Variants in RBMS1 observed in about 807,000 individuals in gnomAD.
RBMS1 encodes RNA binding motif single stranded interacting protein 1.
In RBMS1, 17 loss-of-function variants were observed where a neutral mutation model predicts 62.3. That is an observed-to-expected ratio of 0.27 (90% confidence interval 0.19 to 0.41). The LOEUF (loss-of-function observed/expected upper bound fraction) is 0.41. Ranked by LOEUF, RBMS1 falls within the 10% of genes least tolerant of loss-of-function variation. The pLI is 1.00. For synonymous variants in RBMS1, 172 were observed against 170.0 expected, an observed-to-expected ratio of 1.01 and a Z score of -0.09; for missense variants, 334 against 504.5, an observed-to-expected ratio of 0.66 and a Z score of 3.24.
intron 2 of RBMS1, among the ~76,000 whole-genome samples, chr2:160,333,899 A>G (rs769808579): frequency 3.3e-5 from 5 of 152,146 alleles, no homozygotes; most frequent in Non-Finnish European, 7.4e-5. Context: ...GAAGCCCCAT[A>G]ACATTTCAGC....
intron 2 of RBMS1, among the ~76,000 whole-genome samples, chr2:160,365,225 C>A (rs968393039): frequency 1.3e-5 from 2 of 152,174 alleles, no homozygotes; most frequent in Non-Finnish European, 2.9e-5. Flanking sequence ...AAGTTTCCAG[C>A]AAATTTTGAG....
At chr2:160,378,704 AC>A (rs2105183416) in intron 1 of RBMS1, among the ~76,000 whole-genome samples, 1 of 152,238 alleles carries the variant, frequency 6.6e-6, no homozygotes, top group African/African-American at 2.4e-5. Flanking sequence ...TGAATTAGGA[AC>A]CCTTAAAGAA....
At chr2:160,324,912 A>ATATATATATATG (rs1440602995) in intron 2 of RBMS1, among the ~76,000 whole-genome samples, 2 of 134,606 alleles carry the variant, frequency 1.5e-5, no homozygotes, top group African/African-American at 6.0e-5. Flanking sequence ...ATATATACAC[A>ATATATATATATG]CACACACACA....
At chr2:160,453,116 G>C (rs1684063334) in intron 1 of RBMS1, among the ~76,000 whole-genome samples, 1 of 150,036 alleles carries the variant, frequency 6.7e-6, no homozygotes. Flanking sequence ...TGATGATGAT[G>C]CTTATTATTA....
intron 2 of RBMS1, among the ~76,000 whole-genome samples, chr2:160,321,638 A>T (rs1024940572): frequency 3.9e-5 from 6 of 152,178 alleles, no homozygotes; most frequent in South Asian, 2.1e-4. Context: ...CTCATCTTCA[A>T]TATTATCTCA....
Position 160,282,376 on chromosome 2 carries a change from T to C in RBMS1, c.901-1012A>G, listed in dbSNP as rs377607781. 3,621 of 1,285,460 alleles carry C rather than the reference T, an allele frequency of 2.8e-3. 45 individuals carry two copies. The highest frequency in any genetic ancestry group is 2.0e-3 in the Non-Finnish European group (1,919 of 947,214). 79.6% of individuals were successfully genotyped at this position (1,285,460 alleles called of 1,614,324 possible). Reference sequence around the variant, plus strand: ...TTATCTGGACTGTAGCCTTTCCCCATTGGGGTTGGTGGTTTCTTGCAGCTG... The same window carrying C: ...TTATCTGGACTGTAGCCTTTCCCCACTGGGGTTGGTGGTTTCTTGCAGCTG... On this transcript the variant is annotated intron_variant, in intron 9 of 13. Transcript: ENST00000348849.
intron 2 of RBMS1, among the ~76,000 whole-genome samples, chr2:160,364,882 C>T (rs4577242): frequency 0.55 from 82,967 of 151,872 alleles, 23,191 homozygotes; most frequent in Admixed American, 0.65. Context: ...TTCAGCCTCA[C>T]CAGGTCAATT....
At chr2:160,492,714 G>T (rs1256377284) in intron 1 of RBMS1, among the ~76,000 whole-genome samples, 2 of 152,200 alleles carry the variant, frequency 1.3e-5, no homozygotes, top group Non-Finnish European at 2.9e-5. Context: ...GTGCCACACC[G>T]CACAAAGATC....
rs190459253 is a variant in RBMS1, at chr2:160,384,780, G to A, written c.76-17389C>T. Among the ~76,000 whole-genome samples the A allele has an allele frequency of 1.6e-4, 24 of 152,288 alleles. No homozygotes were observed. In the East Asian group the frequency reaches 2.9e-3, roughly 18 times the overall value. On this transcript the variant is annotated intron_variant, in intron 1 of 13. Coordinates refer to ENST00000348849, the MANE Select transcript of RBMS1 (RefSeq NM_016836.4). Reference sequence around the variant, plus strand: ...TGCTCAGTAACTGCTACCTACACTTGAGTCCATCTTTCTCAATGTCTGATA... The same window carrying A: ...TGCTCAGTAACTGCTACCTACACTTAAGTCCATCTTTCTCAATGTCTGATA...
At chr2:160,291,065 A>G (rs1449600821) in intron 6 of RBMS1, among the ~76,000 whole-genome samples, 1 of 152,226 alleles carries the variant, frequency 6.6e-6, no homozygotes, top group Non-Finnish European at 1.5e-5. Flanking sequence ...GCTCTGAGTA[A>G]GCACTGTAGC....
intron 2 of RBMS1, among the ~76,000 whole-genome samples, chr2:160,326,752 G>A (rs79092508): frequency 0.096 from 14,674 of 152,198 alleles, 970 homozygotes; most frequent in East Asian, 0.26. Context: ...GAGGGATGAC[G>A]AGACGGAGGG....
chr2:160,388,511 C>T (rs1211623765), intron 1 of RBMS1, among the ~76,000 whole-genome samples: 1 of 152,182 alleles, frequency 6.6e-6, no homozygotes, highest in Non-Finnish European at 1.5e-5. Flanking sequence ...CGGGATTCCA[C>T]AGCTAATCGG....
intron 4 of RBMS1, among the ~76,000 whole-genome samples, chr2:160,309,723 A>G (rs4077463): frequency 0.74 from 113,149 of 152,086 alleles, 42,935 homozygotes; most frequent in East Asian, 0.83. Context: ...CCTGGCTAGA[A>G]AAATCAACAT....
intron 7 of RBMS1, among the ~76,000 whole-genome samples, chr2:160,285,300 C>T (rs373852589): frequency 2.0e-5 from 3 of 152,054 alleles, no homozygotes; most frequent in South Asian, 4.1e-4. Flanking sequence ...TACTTAGAGT[C>T]TAGTAGCATT....
chr2:160,470,191 T>A (rs1684860985), intron 1 of RBMS1, among the ~76,000 whole-genome samples: 1 of 152,212 alleles, frequency 6.6e-6, no homozygotes, highest in African/African-American at 2.4e-5. Flanking sequence ...ATTATCTGTA[T>A]TATAGAGTTT....
intron 2 of RBMS1, 124 bp from the exon 3 acceptor site, chr2:160,318,351 A>G (rs1266111837): frequency 7.4e-7 from 1 of 1,347,210 alleles, no homozygotes; most frequent in Non-Finnish European, 9.7e-7. Context: ...CAAACTTTAG[A>G]GTACAAAATT....
chr2:160,303,322 A>C lies in RBMS1; in HGVS notation c.560+8T>G, dbSNP rs753315236. On this transcript the variant is annotated splice_region_variant and intron_variant, in intron 5 of 13. Transcript: ENST00000348849. ...GTTGACATAATAAAGACTGGGCAGAAGGCTTACCTAGCAAAGCCAACACCA... is the reference window on the plus strand; with the variant it reads ...GTTGACATAATAAAGACTGGGCAGACGGCTTACCTAGCAAAGCCAACACCA... 1.0e-5 allele frequency: 16 copies of C among 1,592,044 alleles called. No individual in the cohort carries two copies. The Admixed American group carries it at 1.6e-4, about 16-fold the overall frequency.
intron 1 of RBMS1, among the ~76,000 whole-genome samples, chr2:160,431,662 G>A (rs80273964): frequency 0.019 from 2,829 of 151,888 alleles, 44 homozygotes; most frequent in Non-Finnish European, 0.026. Flanking sequence ...TCACCACTAA[G>A]AACCAGGTAA....
intron 1 of RBMS1, among the ~76,000 whole-genome samples, chr2:160,442,251 G>A (rs754117284): frequency 6.6e-6 from 1 of 152,158 alleles, no homozygotes; most frequent in Non-Finnish European, 1.5e-5. Flanking sequence ...ACACTTCCAT[G>A]TCTTCTTCCA....
Sources: allele counts gnomAD v4.1 joint callset (sites outside exome capture counted in the v4.1 genomes callset), GRCh38; gene constraint gnomAD v4.1.1; transcripts MANE v1.5; gene names NCBI Gene and HGNC (gene_info 2026-07-23, HGNC 2026-07-21).